PLXDC2: variants seen among roughly 807,000 people sequenced by gnomAD.
The protein encoded by PLXDC2 is plexin domain-containing protein 2.
In PLXDC2, 40 loss-of-function variants were observed where a neutral mutation model predicts 68.9. The observed-to-expected ratio is 0.58, with a 90% CI of 0.45 to 0.76. The LOEUF is 0.76. PLXDC2 is among the 30% of genes least tolerant of loss of function. The probability of loss-of-function intolerance (pLI) is 0.00; values close to 1 mark genes in which losing one functional copy is unlikely to be tolerated. For missense variants in PLXDC2, 644 were observed against 661.9 expected, an observed-to-expected ratio of 0.97 and a Z score of 0.30; for synonymous variants, 243 against 234.2, an observed-to-expected ratio of 1.04 and a Z score of -0.34.
At chr10:20,046,434 A>T (rs1835800923) in intron 2 of PLXDC2, among the ~76,000 whole-genome samples, 1 of 152,114 alleles carries the variant, frequency 6.6e-6, no homozygotes, top group South Asian at 2.1e-4. Flanking sequence ...GGATCATAGT[A>T]TTTCTTTTAG....
At position 19,866,395 on chromosome 10, in the gene PLXDC2, C is replaced by G. The variant is rs1348082536; in HGVS notation, c.112+49204C>G. On this transcript the variant is annotated intron_variant, in intron 1 of 13. Transcript: ENST00000377252. ...TCCTTATTCTAAGCCGGCAAAGTTG[C>G]ATTTCTCTGATCTTTCTTCCGTGGG... Among the ~76,000 whole-genome samples, 3 of 152,266 alleles carry G rather than the reference C, an allele frequency of 2.0e-5. 1 individual carries two copies. The highest frequency in any genetic ancestry group is 2.0e-4 in the Admixed American group (3 of 15,298).
chr10:19,990,843 T>TTTAACTTTA (rs1342476685), intron 1 of PLXDC2, among the ~76,000 whole-genome samples: 2 of 152,232 alleles, frequency 1.3e-5, no homozygotes, highest in African/African-American at 4.8e-5. Context: ...GGGAACTTTA[T>TTTAACTTTA]TTTAAAACTG....
chr10:20,141,364 G>A (rs1834005018), intron 4 of PLXDC2, among the ~76,000 whole-genome samples: 1 of 151,930 alleles, frequency 6.6e-6, no homozygotes, highest in African/African-American at 2.4e-5. Flanking sequence ...GTATTTCTAG[G>A]GATTGCTGCT....
intron 1 of PLXDC2, among the ~76,000 whole-genome samples, chr10:19,969,138 C>A (rs1834309700): frequency 6.6e-6 from 1 of 152,170 alleles, no homozygotes; most frequent in African/African-American, 2.4e-5. Context: ...GCTAGCCAGA[C>A]ATTTTATTTC....
intron 1 of PLXDC2, among the ~76,000 whole-genome samples, chr10:19,902,021 C>T (rs1159956288): frequency 6.6e-6 from 1 of 152,112 alleles, no homozygotes; most frequent in Non-Finnish European, 1.5e-5. Context: ...CTATTCTGTT[C>T]CATTGGCCTA....
At chr10:20,027,421 C>T (rs1255482506) in intron 2 of PLXDC2, among the ~76,000 whole-genome samples, 1 of 152,148 alleles carries the variant, frequency 6.6e-6, no homozygotes, top group Non-Finnish European at 1.5e-5. Context: ...GCCCTCCTGC[C>T]TTCTACTATG....
intron 7 of PLXDC2, among the ~76,000 whole-genome samples, chr10:20,167,083 A>G (rs1834385760): frequency 6.6e-6 from 1 of 151,910 alleles, no homozygotes; most frequent in East Asian, 1.9e-4. Context: ...TTCCATCCTG[A>G]GAAAATTAGC....
intron 6 of PLXDC2, among the ~76,000 whole-genome samples, chr10:20,162,068 GAGAGAA>G (rs1440584622): frequency 4.0e-5 from 1 of 25,242 alleles, no homozygotes; most frequent in Non-Finnish European, 9.5e-5. Flanking sequence ...GAGAGAGAGA[GAGAGAA>G]GGAAGGAAGG....
intron 1 of PLXDC2, among the ~76,000 whole-genome samples, chr10:19,824,250 T>C (rs1410764017): frequency 6.6e-6 from 1 of 152,218 alleles, no homozygotes; most frequent in African/African-American, 2.4e-5. Flanking sequence ...CATTTAACTT[T>C]TGGTTTCTTG....
intron 1 of PLXDC2, among the ~76,000 whole-genome samples, chr10:19,839,402 T>C (rs1450138968): frequency 2.0e-5 from 3 of 152,150 alleles, no homozygotes; most frequent in South Asian, 4.1e-4. Flanking sequence ...TCTTCAGTGT[T>C]AGTGAGCTTT....
At chr10:19,904,344 C>T (rs1838206859) in intron 1 of PLXDC2, among the ~76,000 whole-genome samples, 1 of 151,976 alleles carries the variant, frequency 6.6e-6, no homozygotes, top group South Asian at 2.1e-4. Context: ...GTAGTAATTA[C>T]TACTAGATTA....
rs963012045 is a variant in PLXDC2 at position 19,890,672 on chromosome 10, G to A, written c.112+73481G>A. Among the ~76,000 whole-genome samples, 5 of 118,510 alleles carry A rather than the reference G, an allele frequency of 4.2e-5. No homozygotes were observed. In the Admixed American group the frequency reaches 4.8e-4, roughly 11 times the overall value. The allele number at this position is 118,510 out of a possible 152,430, so 77.7% of individuals were successfully genotyped here. On this transcript the variant is annotated intron_variant, in intron 1 of 13. Coordinates refer to ENST00000377252, the MANE Select transcript of PLXDC2 (RefSeq NM_032812.9). ...TTACAGGCGTGAGCCACCGCGCCCG[G>A]CTGCTTTTTTTTTTTTTTTTTTTTT...
chr10:20,068,136 T>A (rs1414413935), intron 3 of PLXDC2, 34 bp from the exon 4 acceptor site: 4 of 1,558,492 alleles, frequency 2.6e-6, no homozygotes, highest in Non-Finnish European at 3.5e-6. Context: ...TGCTACACAT[T>A]ATTGATTTTT....
At chr10:19,989,285 T>C (rs925068456) in intron 1 of PLXDC2, among the ~76,000 whole-genome samples, 1 of 152,216 alleles carries the variant, frequency 6.6e-6, no homozygotes, top group Non-Finnish European at 1.5e-5. Flanking sequence ...CTGGTGAGTG[T>C]GTAAACTGAT....
intron 1 of PLXDC2, among the ~76,000 whole-genome samples, chr10:19,854,424 A>C (rs543292941): frequency 6.6e-6 from 1 of 152,264 alleles, no homozygotes; most frequent in Admixed American, 6.5e-5. Flanking sequence ...GCCATATGGC[A>C]ATGGCTGGAG....
intron 13 of PLXDC2, among the ~76,000 whole-genome samples, chr10:20,257,645 A>G (rs1193557809): frequency 2.0e-5 from 3 of 152,192 alleles, no homozygotes; most frequent in Non-Finnish European, 4.4e-5. Context: ...AAGTCTGCCT[A>G]AAAACAAAAG....
chr10:20,004,934 A>T (rs1280817203), intron 2 of PLXDC2, among the ~76,000 whole-genome samples: 1 of 152,170 alleles, frequency 6.6e-6, no homozygotes, highest in African/African-American at 2.4e-5. Context: ...CAGGGCTAAG[A>T]GCTGCCAGGT....
intron 1 of PLXDC2, among the ~76,000 whole-genome samples, chr10:19,874,615 T>C (rs751538231): frequency 6.6e-5 from 10 of 152,202 alleles, no homozygotes; most frequent in Admixed American, 5.2e-4. Flanking sequence ...AACAGGATCA[T>C]ATTGCTAAAG....
chr10:20,171,189 T>C lies in PLXDC2; in HGVS notation c.884-5810T>C, dbSNP rs190314057. On this transcript the variant is annotated intron_variant, in intron 7 of 13. Coordinates refer to ENST00000377252, the MANE Select transcript of PLXDC2 (RefSeq NM_032812.9). ...TTGAACTTTTTTTTATTCTATAATATTTTCTAGAACCCAGTGCAAGCCCTT... is the reference window on the plus strand; with the variant it reads ...TTGAACTTTTTTTTATTCTATAATACTTTCTAGAACCCAGTGCAAGCCCTT... 2.4e-3 allele frequency among the ~76,000 whole-genome samples: 366 copies of C among 152,212 alleles called. 1 individual carries two copies. Among genetic ancestry groups the C allele is most frequent in the African/African-American group, 8.6e-3 (356 of 41,554 alleles).
Sources: gnomAD v4.1 joint callset for allele counts (sites outside exome capture counted in the v4.1 genomes callset) on GRCh38, gnomAD v4.1.1 for gene constraint, MANE v1.5 for transcripts, NCBI Gene and HGNC (gene_info 2026-07-23, HGNC 2026-07-21) for gene names.